Variants in PPP1R13B observed in about 807,000 individuals in gnomAD.
PPP1R13B encodes the protein apoptosis-stimulating of p53 protein 1.
A neutral mutation model predicts 119.8 loss-of-function variants in PPP1R13B; 44 were observed. That is an observed-to-expected ratio of 0.37 (90% CI 0.29 to 0.47). The LOEUF is 0.47. Among genes scored for constraint, PPP1R13B ranks in the 20% least tolerant of loss-of-function variants. PPP1R13B has a pLI of 0.99. For synonymous variants in PPP1R13B, 542 were observed against 561.5 expected (o/e 0.97, Z 0.49); for missense variants, 1,227 against 1,413.5 (o/e 0.87, Z 2.12).
At chr14:103,787,011 ACCCAG>A (rs2085481336) in intron 2 of PPP1R13B, among the ~76,000 whole-genome samples, 1 of 151,156 alleles carries the variant, frequency 6.6e-6, no homozygotes, top group Non-Finnish European at 1.5e-5. Flanking sequence ...CCTGGCCTAC[ACCCAG>A]CTAATTTTTT....
intron 1 of PPP1R13B, among the ~76,000 whole-genome samples, chr14:103,816,680 A>G (rs2086289720): frequency 6.6e-6 from 1 of 151,854 alleles, no homozygotes. Flanking sequence ...AAAAAAAAAA[A>G]AAAAAAATTA....
chr14:103,736,265 CGAG>C (rs2084108419), intron 15 of PPP1R13B, 63 bp from the exon 16 acceptor site: 1 of 1,541,790 alleles, frequency 6.5e-7, no homozygotes, highest in African/African-American at 1.4e-5. Flanking sequence ...GGACCCTGCT[CGAG>C]GAACAGGACA....
intron 4 of PPP1R13B, among the ~76,000 whole-genome samples, chr14:103,768,324 T>A (rs1279508995): frequency 6.6e-6 from 1 of 151,596 alleles, no homozygotes; most frequent in Non-Finnish European, 1.5e-5. Flanking sequence ...TGAGATGGAG[T>A]CTTGCTCTGT....
intron 4 of PPP1R13B, among the ~76,000 whole-genome samples, chr14:103,764,971 A>G (rs944565721): frequency 2.0e-5 from 3 of 152,204 alleles, no homozygotes; most frequent in Non-Finnish European, 4.4e-5. Context: ...GACGCCCGCC[A>G]CCACGCCCGG....
intron 7 of PPP1R13B, among the ~76,000 whole-genome samples, chr14:103,751,935 T>TA (rs2084558400): frequency 6.6e-6 from 1 of 152,188 alleles, no homozygotes; most frequent in Admixed American, 6.5e-5. Context: ...AATATCACCC[T>TA]AAGTTTAATT....
intron 16 of PPP1R13B, among the ~76,000 whole-genome samples, chr14:103,735,602 TCA>T (rs1364559345): frequency 6.6e-6 from 1 of 152,106 alleles, no homozygotes; most frequent in Non-Finnish European, 1.5e-5. Flanking sequence ...ACTGAGGGAA[TCA>T]CAAGTCCAAC....
intron 1 of PPP1R13B, among the ~76,000 whole-genome samples, chr14:103,841,570 A>G (rs940299344): frequency 2.0e-5 from 3 of 152,300 alleles, no homozygotes; most frequent in East Asian, 3.9e-4. Flanking sequence ...AGCCTGGGCA[A>G]CAGGTCAACA....
intron 1 of PPP1R13B, among the ~76,000 whole-genome samples, chr14:103,798,812 C>T (rs2152043002): frequency 6.6e-6 from 1 of 152,010 alleles, no homozygotes; most frequent in African/African-American, 2.4e-5. Flanking sequence ...CAGAGATCCT[C>T]CCAAGTAGCT....
chr14:103,773,256 G>GAAAAT (rs2085111776), intron 4 of PPP1R13B, among the ~76,000 whole-genome samples: 1 of 152,068 alleles, frequency 6.6e-6, no homozygotes, highest in Non-Finnish European at 1.5e-5. Flanking sequence ...AAGAGACAAG[G>GAAAAT]AGAATAAAAT....
chr14:103,767,153 A>T (rs186403719), intron 4 of PPP1R13B, among the ~76,000 whole-genome samples: 48 of 152,156 alleles, frequency 3.2e-4, no homozygotes, highest in African/African-American at 1.1e-3. Flanking sequence ...CATCTCTACA[A>T]AAAAATTTAA....
intron 1 of PPP1R13B, among the ~76,000 whole-genome samples, chr14:103,824,947 A>C (rs1307731254): frequency 8.4e-6 from 1 of 119,726 alleles, no homozygotes; most frequent in Non-Finnish European, 1.8e-5. Context: ...CAGATATTGC[A>C]TTTTTTTTAA....
chr14:103,798,672 G>A (rs1292467535), intron 1 of PPP1R13B, among the ~76,000 whole-genome samples: 1 of 152,048 alleles, frequency 6.6e-6, no homozygotes, highest in Non-Finnish European at 1.5e-5. Flanking sequence ...ACATTATAGT[G>A]TATTTGAAAA....
At chr14:103,749,664 G>T in intron 8 of PPP1R13B, 130 bp downstream of exon 8, 2 of 941,662 alleles carry the variant, frequency 2.1e-6, no homozygotes, top group Non-Finnish European at 3.1e-6. Flanking sequence ...TGTCATTTTT[G>T]ATGGTTTATG....
chr14:103,765,069 C>A (rs1244336989), intron 4 of PPP1R13B, among the ~76,000 whole-genome samples: 1 of 152,238 alleles, frequency 6.6e-6, no homozygotes, highest in Non-Finnish European at 1.5e-5. Context: ...CCGCCCGCCT[C>A]GGCCTCCCAG....
At chr14:103,778,442 T>C (rs1004144996) in intron 4 of PPP1R13B, 6 of 211,000 alleles carry the variant, frequency 2.8e-5, no homozygotes, top group Non-Finnish European at 1.9e-5. Context: ...TTGTATTTTT[T>C]TGTAGAGACG....
Position 103,734,766 on chromosome 14 carries a change from C to T in PPP1R13B, c.*388G>A, listed in dbSNP as rs1337751212. On this transcript the variant is annotated 3_prime_UTR_variant, in exon 17 of 17. Coordinates refer to ENST00000202556, the MANE Select transcript of PPP1R13B (RefSeq NM_015316.3). ...AGGGCGGTCGCAGGGGAGCAGGCCT[C>T]ACAGCGGCGGACAGTGTTCACTGCT... The T allele has an allele frequency of 2.2e-6, 1 of 464,020 alleles. No individual in the cohort carries two copies. Among genetic ancestry groups the T allele is most frequent in the Non-Finnish European group, 4.3e-6 (1 of 232,618 alleles). 28.7% of individuals were successfully genotyped at this position (464,020 alleles called of 1,614,324 possible). A position where few individuals can be genotyped will look rare whatever the true frequency, so the allele number is the denominator to read the frequency against.
In PPP1R13B at chr14:103,734,235, C is replaced by T. The variant is rs1051256390; in HGVS notation, c.*919G>A. On this transcript the variant is annotated 3_prime_UTR_variant, in exon 17 of 17. Transcript: ENST00000202556. The stretch of plus-strand genomic sequence containing the variant: ...CCAGCTGCTGCTCCTTGGTGGCGGC[C>T]CCTCCTGACACCAGGCGTCTGCCAT... The T allele has an allele frequency of 7.1e-6, 2 of 280,538 alleles. No individual in the cohort carries two copies. The highest frequency in any genetic ancestry group is 2.2e-5 in the African/African-American group (1 of 45,940). The allele number at this position is 280,538 out of a possible 1,614,324, so 17.4% of individuals were successfully genotyped here.
chr14:103,811,122 CAAAG>C (rs1048479511), intron 1 of PPP1R13B, among the ~76,000 whole-genome samples: 1 of 123,034 alleles, frequency 8.1e-6, no homozygotes, highest in East Asian at 2.6e-4. Flanking sequence ...AAAAAAAAGA[CAAAG>C]AAAATTACTG....
At chr14:103,765,606 T>C (rs1049357453) in intron 4 of PPP1R13B, among the ~76,000 whole-genome samples, 4 of 152,220 alleles carry the variant, frequency 2.6e-5, no homozygotes, top group Admixed American at 2.0e-4. Context: ...ACATCTGTGC[T>C]TGCCACTCCG....
Sources: gnomAD v4.1 joint callset for allele counts (sites outside exome capture counted in the v4.1 genomes callset) on GRCh38, gnomAD v4.1.1 for gene constraint, MANE v1.5 for transcripts, NCBI Gene and HGNC (gene_info 2026-07-23, HGNC 2026-07-21) for gene names.